The following RBFOX1 variants were observed in gnomAD, a reference collection of about 807,000 sequenced individuals.
RBFOX1 encodes the protein RNA binding fox-1 homolog 1, also known as RNA binding protein fox-1 homolog 1.
A neutral mutation model predicts 57.7 loss-of-function variants in RBFOX1; 8 were observed. That is an observed-to-expected ratio of 0.14 (90% CI 0.08 to 0.25). The LOEUF (loss-of-function observed/expected upper bound fraction) is 0.25, where lower values mean the gene tolerates loss of function less well. RBFOX1 is among the 10% of genes least tolerant of loss of function. RBFOX1 has a pLI of 1.00. For missense variants in RBFOX1, 611 were observed against 548.5 expected (o/e 1.11, Z -1.14); for synonymous variants, 326 against 222.4 (o/e 1.47, Z -4.15).
intron 3 of RBFOX1, among the ~76,000 whole-genome samples, chr16:5,801,825 G>A (rs1191117304): frequency 6.6e-6 from 1 of 152,158 alleles, no homozygotes; most frequent in Non-Finnish European, 1.5e-5. Flanking sequence ...TTATCGCCTA[G>A]CATCATTAAA....
chr16:5,403,987 G>A (rs915132078), intron 1 of RBFOX1, among the ~76,000 whole-genome samples: 1 of 151,722 alleles, frequency 6.6e-6, no homozygotes, highest in African/African-American at 2.4e-5. Context: ...GCCATGGGAA[G>A]GGTGGGGCTG....
intron 1 of RBFOX1, among the ~76,000 whole-genome samples, chr16:5,343,777 T>G (rs2065083910): frequency 6.6e-6 from 1 of 152,206 alleles, no homozygotes; most frequent in African/African-American, 2.4e-5. Flanking sequence ...AACTTAGAAC[T>G]TTTTGAATAA....
At chr16:7,323,936 T>TG (rs2096578191) in intron 4 of RBFOX1, among the ~76,000 whole-genome samples, 1 of 151,790 alleles carries the variant, frequency 6.6e-6, no homozygotes, top group Non-Finnish European at 1.5e-5. Context: ...GGGTGGATGA[T>TG]GAGTGGGTGG....
chr16:6,492,152 C>T (rs754786721), intron 2 of RBFOX1, among the ~76,000 whole-genome samples: 1 of 151,908 alleles, frequency 6.6e-6, no homozygotes, highest in Non-Finnish European at 1.5e-5. Context: ...GAAAGTTTCC[C>T]TTGTATATGT....
At chr16:6,689,507 AT>A (rs573019319) in intron 3 of RBFOX1, among the ~76,000 whole-genome samples, 25 of 152,184 alleles carry the variant, frequency 1.6e-4, no homozygotes, top group East Asian at 7.7e-4. Context: ...TAATGCACAA[AT>A]TTTTTTTATG....
rs1351217662 is a variant in RBFOX1, at chr16:5,773,630, G to A, written c.319-93673G>A. Among the ~76,000 whole-genome samples, 13 of 152,202 alleles carry A rather than the reference G, an allele frequency of 8.5e-5. No individual in the cohort carries two copies. In the East Asian group the frequency reaches 2.3e-3, roughly 27 times the overall value. ...TTTTGCAATATCTATTTTTATGCACGTGAGCAAGAACGTGCATGGGATTAT... is the reference window on the plus strand; with the variant it reads ...TTTTGCAATATCTATTTTTATGCACATGAGCAAGAACGTGCATGGGATTAT... On this transcript the variant is annotated intron_variant, in intron 3 of 19. Coordinates refer to the RBFOX1 transcript ENST00000641259.
chr16:7,095,222 C>T (rs1375763462), intron 4 of RBFOX1, among the ~76,000 whole-genome samples: 1 of 152,118 alleles, frequency 6.6e-6, no homozygotes, highest in African/African-American at 2.4e-5. Flanking sequence ...CTGCAACCTC[C>T]GCCTCCCAGG....
intron 2 of RBFOX1, among the ~76,000 whole-genome samples, chr16:6,333,745 T>C (rs1430181825): frequency 3.3e-5 from 5 of 152,222 alleles, no homozygotes; most frequent in East Asian, 3.8e-4. Context: ...TTTTAAAAGA[T>C]GTTACATCAA....
intron 1 of RBFOX1, among the ~76,000 whole-genome samples, chr16:6,271,428 C>G (rs539567999): frequency 1.3e-5 from 2 of 152,090 alleles, no homozygotes; most frequent in South Asian, 2.1e-4. Flanking sequence ...GTCTAAAAAA[C>G]AAACAAAACA....
intron 3 of RBFOX1, among the ~76,000 whole-genome samples, chr16:7,049,384 T>G (rs1177146349): frequency 6.6e-6 from 1 of 152,100 alleles, no homozygotes; most frequent in Admixed American, 6.5e-5. Flanking sequence ...CACTGTTGTT[T>G]ATACATGAAC....
At position 6,818,505 on chromosome 16, in the gene RBFOX1, A is replaced by C. The variant is rs531199688; in HGVS notation, c.-16+163855A>C. On this transcript the variant is annotated intron_variant, in intron 3 of 15. Transcript: ENST00000550418. Reference sequence around the variant, plus strand: ...TAAATGCCAGTGAGGTTTGTTATGTAGTTACTAAAGTGGCAATAATACAAG... The same window carrying C: ...TAAATGCCAGTGAGGTTTGTTATGTCGTTACTAAAGTGGCAATAATACAAG... 2.6e-5 allele frequency among the ~76,000 whole-genome samples: 4 copies of C among 152,292 alleles called. No individual in the cohort carries two copies. The South Asian group carries it at 8.3e-4, about 32-fold the overall frequency.
intron 11 of RBFOX1, among the ~76,000 whole-genome samples, chr16:7,638,282 A>G (rs886804817): frequency 6.6e-6 from 1 of 152,224 alleles, no homozygotes; most frequent in South Asian, 2.1e-4. Flanking sequence ...TAGGACAGGT[A>G]TGATTAATTA....
chr16:6,616,502 C>T (rs1367037156), intron 2 of RBFOX1, among the ~76,000 whole-genome samples: 1 of 152,104 alleles, frequency 6.6e-6, no homozygotes, highest in Non-Finnish European at 1.5e-5. Flanking sequence ...AGGTGAAACC[C>T]CGACTCTACT....
chr16:6,684,890 C>G (rs2059195362), intron 3 of RBFOX1, among the ~76,000 whole-genome samples: 1 of 152,160 alleles, frequency 6.6e-6, no homozygotes, highest in African/African-American at 2.4e-5. Flanking sequence ...AGCATGTTCT[C>G]TATACATACG....
chr16:5,385,178 C>T (rs1215271332), intron 1 of RBFOX1, among the ~76,000 whole-genome samples: 6 of 152,212 alleles, frequency 3.9e-5, no homozygotes, highest in East Asian at 3.8e-4. Context: ...TTTTCTCATT[C>T]AGTTCTCACC....
chr16:6,124,417 C>G (rs936622407), intron 1 of RBFOX1, among the ~76,000 whole-genome samples: 1 of 152,140 alleles, frequency 6.6e-6, no homozygotes, highest in African/African-American at 2.4e-5. Context: ...GTAAATGAGC[C>G]TAAGATGACC....
At chr16:7,624,523 C>T (rs1365273315) in intron 10 of RBFOX1, among the ~76,000 whole-genome samples, 1 of 152,326 alleles carries the variant, frequency 6.6e-6, no homozygotes, top group East Asian at 1.9e-4. Flanking sequence ...TGGAGTTCAA[C>T]AGATGTACCC....
intron 1 of RBFOX1, among the ~76,000 whole-genome samples, chr16:6,178,100 G>C (rs1281919206): frequency 6.6e-6 from 1 of 150,904 alleles, no homozygotes; most frequent in Non-Finnish European, 1.5e-5. Context: ...AGAAGGAAGA[G>C]TAGTGTGAAT....
At chr16:7,513,410 A>G (rs2075652122) in intron 4 of RBFOX1, among the ~76,000 whole-genome samples, 1 of 152,198 alleles carries the variant, frequency 6.6e-6, no homozygotes, top group Non-Finnish European at 1.5e-5. Context: ...TCGAATAATT[A>G]TTTCCCAGCT....
Sources: gnomAD v4.1 joint callset for allele counts (sites outside exome capture counted in the v4.1 genomes callset) on GRCh38, gnomAD v4.1.1 for gene constraint, MANE v1.5 for transcripts, NCBI Gene and HGNC (gene_info 2026-07-23, HGNC 2026-07-21) for gene names.